The following GRID2 variants were observed in gnomAD, a reference collection of about 807,000 sequenced individuals.
GRID2 encodes the protein glutamate ionotropic receptor delta type subunit 2.
A neutral mutation model predicts 114.8 loss-of-function variants in GRID2; 33 were observed. The ratio of observed to expected loss-of-function variants is 0.29; its 90% confidence interval spans 0.22 to 0.38. The LOEUF (loss-of-function observed/expected upper bound fraction) is 0.38. GRID2 is among the 10% of genes least tolerant of loss of function. The pLI is 1.00. For missense variants in GRID2, 1,184 were observed against 1,257.7 expected (o/e 0.94, Z 0.89); for synonymous variants, 505 against 449.9 (o/e 1.12, Z -1.55).
intron 3 of GRID2, among the ~76,000 whole-genome samples, chr4:93,093,089 A>G (rs973958072): frequency 6.6e-6 from 1 of 152,096 alleles, no homozygotes; most frequent in African/African-American, 2.4e-5. Context: ...CTTTAGAGTC[A>G]GCACTTAGCT....
At chr4:93,054,212 T>C (rs1434174692) in intron 2 of GRID2, among the ~76,000 whole-genome samples, 4 of 151,960 alleles carry the variant, frequency 2.6e-5, no homozygotes, top group African/African-American at 9.7e-5. Flanking sequence ...AGTATGGATT[T>C]TTATTAAAAC....
At chr4:93,095,462 A>C (rs1451647218) in intron 3 of GRID2, among the ~76,000 whole-genome samples, 1 of 152,092 alleles carries the variant, frequency 6.6e-6, no homozygotes, top group East Asian at 1.9e-4. Context: ...AAATTCTAAC[A>C]CTGAAATAAA....
chr4:92,946,228 T>G (rs1751620716), intron 2 of GRID2, among the ~76,000 whole-genome samples: 1 of 152,220 alleles, frequency 6.6e-6, no homozygotes, highest in African/African-American at 2.4e-5. Context: ...GGCAAACAAT[T>G]TATTTTTTCT....
At chr4:92,822,610 C>G in intron 2 of GRID2, 1 of 227,744 alleles carries the variant, frequency 4.4e-6, no homozygotes, top group South Asian at 5.0e-5. Context: ...CTCAACACGT[C>G]CTTGGTATGG....
At chr4:93,146,374 G>A (rs1258198893) in intron 4 of GRID2, among the ~76,000 whole-genome samples, 1 of 152,162 alleles carries the variant, frequency 6.6e-6, no homozygotes, top group African/African-American at 2.4e-5. Context: ...TAAAAATTGA[G>A]TCAATGATGA....
chr4:92,406,847 CTCAGCTACATCCATGT>C (rs1437729906), intron 1 of GRID2, among the ~76,000 whole-genome samples: 2 of 151,848 alleles, frequency 1.3e-5, no homozygotes, highest in Non-Finnish European at 2.9e-5. Flanking sequence ...GATAATGGCC[CTCAGCTACATCCATGT>C]TGCTGCAAAG....
At chr4:93,306,686 TATAG>T (rs999970126) in intron 8 of GRID2, among the ~76,000 whole-genome samples, 4 of 152,138 alleles carry the variant, frequency 2.6e-5, no homozygotes, top group Admixed American at 2.6e-4. Context: ...TTAAAAATAA[TATAG>T]AGAAGCAGAT....
At chr4:92,528,820 T>TAAAAA (rs755194146) in intron 1 of GRID2, among the ~76,000 whole-genome samples, 1 of 94,132 alleles carries the variant, frequency 1.1e-5, no homozygotes, top group African/African-American at 4.0e-5. Flanking sequence ...GAACATCCTG[T>TAAAAA]AAAAAAAAAA....
rs199640730 is a variant in GRID2 at position 92,922,722 on chromosome 4, A to T, written c.245-162273A>T. 3.9e-5 allele frequency among the ~76,000 whole-genome samples: 6 copies of T among 152,344 alleles called. No homozygotes were observed. In the East Asian group the frequency reaches 1.2e-3, roughly 29 times the overall value. ...CCACTTAGTGAAATACTGCAAATCA[A>T]TGAAAATGAATCACCACTATACAAA... On this transcript the variant is annotated intron_variant, in intron 2 of 15. Transcript: ENST00000282020.
intron 1 of GRID2, among the ~76,000 whole-genome samples, chr4:92,481,865 A>T (rs1431515881): frequency 6.6e-6 from 1 of 150,840 alleles, no homozygotes; most frequent in Non-Finnish European, 1.5e-5. Context: ...TATTTGTGTC[A>T]ATCATTATGC....
At chr4:92,934,180 C>T (rs1359720665) in intron 2 of GRID2, among the ~76,000 whole-genome samples, 1 of 151,748 alleles carries the variant, frequency 6.6e-6, no homozygotes, top group South Asian at 2.1e-4. Context: ...GAATGTTCTT[C>T]CATTTCTTTG....
At chr4:92,645,836 C>G (rs1731587238) in intron 2 of GRID2, among the ~76,000 whole-genome samples, 1 of 151,662 alleles carries the variant, frequency 6.6e-6, no homozygotes, top group Admixed American at 6.6e-5. Flanking sequence ...AGAATTAGAT[C>G]ACAGGTTGTT....
In GRID2 at chr4:92,947,238, G is replaced by A. The variant is rs79861432; in HGVS notation, c.245-137757G>A. Among the ~76,000 whole-genome samples the A allele has an allele frequency of 5.4e-3, 826 of 152,108 alleles. 8 individuals carry two copies. Among genetic ancestry groups the A allele is most frequent in the Middle Eastern group, 0.014 (4 of 294 alleles). ...TATAGATTCTAAAGAGAAAAACAAT[G>A]AAATGATTATGAATCTCATCCTCTT... On this transcript the variant is annotated intron_variant, in intron 2 of 15. Coordinates refer to ENST00000282020, the MANE Select transcript of GRID2 (RefSeq NM_001510.4).
chr4:93,443,762 G>A (rs1384699088), intron 10 of GRID2, among the ~76,000 whole-genome samples: 1 of 151,436 alleles, frequency 6.6e-6, no homozygotes, highest in Non-Finnish European at 1.5e-5. Context: ...AAACCTTTAA[G>A]TCAATGACAA....
chr4:93,383,051 C>T (rs368059615), intron 8 of GRID2, among the ~76,000 whole-genome samples: 7 of 152,120 alleles, frequency 4.6e-5, no homozygotes, highest in African/African-American at 1.7e-4. Flanking sequence ...TCTAATTTCC[C>T]GTGTGTATGT....
At chr4:93,710,520 G>A (rs748265200) in intron 14 of GRID2, among the ~76,000 whole-genome samples, 29 of 152,316 alleles carry the variant, frequency 1.9e-4, no homozygotes, top group South Asian at 6.2e-4. Flanking sequence ...ACTGTGCTGA[G>A]CCAGACCTAA....
chr4:93,778,271 T>C (rs1030854693), downstream of GRID2, among the ~76,000 whole-genome samples: 1 of 152,168 alleles, frequency 6.6e-6, no homozygotes, highest in Non-Finnish European at 1.5e-5. Flanking sequence ...TAAAATTAAA[T>C]GCTAACCCTC....
At chr4:93,168,404 C>T (rs1005872574) in intron 4 of GRID2, among the ~76,000 whole-genome samples, 1 of 152,018 alleles carries the variant, frequency 6.6e-6, no homozygotes, top group African/African-American at 2.4e-5. Flanking sequence ...CTCTCACTAG[C>T]TATACGTCTT....
intron 13 of GRID2, among the ~76,000 whole-genome samples, chr4:93,539,100 T>C (rs1346673790): frequency 1.3e-5 from 2 of 151,914 alleles, no homozygotes; most frequent in Admixed American, 1.3e-4. Flanking sequence ...ACTTAAAAGC[T>C]ATAGAAACAT....
Sources: allele counts gnomAD v4.1 joint callset (sites outside exome capture counted in the v4.1 genomes callset), GRCh38; gene constraint gnomAD v4.1.1; transcripts MANE v1.5; gene names NCBI Gene and HGNC (gene_info 2026-07-23, HGNC 2026-07-21).